DAB1: variants seen among roughly 807,000 people sequenced by gnomAD.
The protein encoded by DAB1 is DAB adaptor protein 1, also known as disabled homolog 1.
In DAB1, 15 loss-of-function variants were observed where a neutral mutation model predicts 64.6. The observed-to-expected ratio is 0.23, with a 90% CI of 0.16 to 0.36. The LOEUF (loss-of-function observed/expected upper bound fraction) is 0.36. Among genes scored for constraint, DAB1 ranks in the 10% least tolerant of loss-of-function variants. The pLI, the probability that DAB1 is intolerant of heterozygous loss-of-function variation, is 1.00. For synonymous variants in DAB1, 235 were observed against 251.9 expected (o/e 0.93, Z 0.64); for missense variants, 596 against 706.7 (o/e 0.84, Z 1.78).
chr1:57,412,498 T>C (rs868488520), intron 1 of DAB1, among the ~76,000 whole-genome samples: 8 of 152,184 alleles, frequency 5.3e-5, no homozygotes, highest in Admixed American at 1.3e-4. Flanking sequence ...TACTTATTTC[T>C]CAGGGCAAAC....
chr1:58,412,377 T>C (rs1644679940), intron 3 of DAB1, among the ~76,000 whole-genome samples: 1 of 152,234 alleles, frequency 6.6e-6, no homozygotes, highest in South Asian at 2.1e-4. Flanking sequence ...CTTTTGTTTG[T>C]TTCTTAAGCT....
In DAB1 at chr1:58,521,862, A is replaced by T. The variant is rs114005567; in HGVS notation, n.107+5399T>A. On this transcript the variant is annotated intron_variant and non_coding_transcript_variant, in intron 2 of 20. Transcript: ENST00000485760. Reference sequence around the variant, plus strand: ...AATAAATATAGCTAATCTTACAAAAACTCTTCTGGAGAAGAGAAAATGAAG... The same window carrying T: ...AATAAATATAGCTAATCTTACAAAATCTCTTCTGGAGAAGAGAAAATGAAG... 4.2e-3 allele frequency among the ~76,000 whole-genome samples: 640 copies of T among 152,164 alleles called. 3 individuals are homozygous for T. The highest frequency in any genetic ancestry group is 0.015 in the African/African-American group (619 of 41,522).
intron 6 of DAB1, among the ~76,000 whole-genome samples, chr1:57,757,886 G>T (rs1320652213): frequency 6.6e-6 from 1 of 152,042 alleles, no homozygotes; most frequent in African/African-American, 2.4e-5. Flanking sequence ...GCAGGATCAA[G>T]GCTCTCTGTA....
chr1:57,857,852 AC>A (rs756297142), intron 1 of DAB1, among the ~76,000 whole-genome samples: 1 of 146,426 alleles, frequency 6.8e-6, no homozygotes, highest in Non-Finnish European at 1.5e-5. Flanking sequence ...GAATGTTCAT[AC>A]AAAAAAAAAA....
At chr1:57,516,979 G>T (rs930272698) in intron 7 of DAB1, among the ~76,000 whole-genome samples, 1 of 152,182 alleles carries the variant, frequency 6.6e-6, no homozygotes, top group African/African-American at 2.4e-5. Context: ...AGTTCAGAGT[G>T]TTAGTCAAAG....
intron 7 of DAB1, among the ~76,000 whole-genome samples, chr1:57,508,462 C>G (rs1341551737): frequency 6.6e-6 from 1 of 152,218 alleles, no homozygotes; most frequent in Admixed American, 6.5e-5. Flanking sequence ...ATAATTAGCT[C>G]CATCTTCTCA....
At chr1:57,905,653 G>GCACC (rs1468235220) in intron 5 of DAB1, among the ~76,000 whole-genome samples, 1 of 152,150 alleles carries the variant, frequency 6.6e-6, no homozygotes, top group Non-Finnish European at 1.5e-5. Context: ...AACTTTGGAG[G>GCACC]CACCAGCATG....
chr1:57,026,704 G>A (rs192141685), intron 9 of DAB1, among the ~76,000 whole-genome samples: 36 of 152,140 alleles, frequency 2.4e-4, no homozygotes, highest in Middle Eastern at 3.4e-3. Context: ...ACCAGGAAAG[G>A]CATCAAAAAC....
At chr1:57,193,381 G>GTTTCTTTT (rs1225499824) in intron 2 of DAB1, among the ~76,000 whole-genome samples, 2 of 83,060 alleles carry the variant, frequency 2.4e-5, no homozygotes, top group Admixed American at 1.9e-4. Context: ...CGTAGCATAT[G>GTTTCTTTT]TTTTTTTTTT....
intron 5 of DAB1, among the ~76,000 whole-genome samples, chr1:58,130,906 C>T (rs1472840523): frequency 2.0e-5 from 3 of 151,610 alleles, no homozygotes; most frequent in Non-Finnish European, 2.9e-5. Flanking sequence ...TCCTTCATTT[C>T]CACTTTGGTG....
At chr1:58,222,098 A>G (rs1659202506) in intron 4 of DAB1, among the ~76,000 whole-genome samples, 1 of 152,162 alleles carries the variant, frequency 6.6e-6, no homozygotes, top group African/African-American at 2.4e-5. Context: ...AGTTAGAGAG[A>G]TGGGAATTTA....
intron 3 of DAB1, among the ~76,000 whole-genome samples, chr1:57,143,578 T>TA (rs1167573605): frequency 1.3e-5 from 2 of 152,090 alleles, no homozygotes; most frequent in Non-Finnish European, 2.9e-5. Context: ...GGTTAACAAA[T>TA]AAAAAGAAGA....
At chr1:57,141,531 G>C (rs1658587823) in intron 3 of DAB1, among the ~76,000 whole-genome samples, 1 of 152,118 alleles carries the variant, frequency 6.6e-6, no homozygotes, top group Non-Finnish European at 1.5e-5. Flanking sequence ...GCTAGATTCT[G>C]AGTACCTCAC....
chr1:57,109,013 ACT>A (rs551022943), intron 4 of DAB1, among the ~76,000 whole-genome samples: 140 of 152,230 alleles, frequency 9.2e-4, no homozygotes, highest in African/African-American at 3.1e-3. Context: ...TCCCTAGCTA[ACT>A]CTGAGTTTTT....
intron 1 of DAB1, among the ~76,000 whole-genome samples, chr1:57,312,610 T>A (rs781159868): frequency 6.6e-6 from 1 of 152,166 alleles, no homozygotes; most frequent in African/African-American, 2.4e-5. Flanking sequence ...GGCTAATGCA[T>A]CCAGGATCTG....
intron 8 of DAB1, among the ~76,000 whole-genome samples, chr1:57,063,397 C>T (rs1650599126): frequency 6.6e-6 from 1 of 152,158 alleles, no homozygotes. Flanking sequence ...TATCAAGATC[C>T]TAGCACAAAG....
intron 3 of DAB1, among the ~76,000 whole-genome samples, chr1:58,419,240 C>G (rs1353358903): frequency 6.6e-6 from 1 of 152,210 alleles, no homozygotes; most frequent in African/African-American, 2.4e-5. Flanking sequence ...AGGGTCAAAT[C>G]CTAGTTCTGC....
chr1:58,094,296 C>T (rs1484972594), intron 5 of DAB1, among the ~76,000 whole-genome samples: 1 of 152,158 alleles, frequency 6.6e-6, no homozygotes, highest in Non-Finnish European at 1.5e-5. Flanking sequence ...ACCAACTCTC[C>T]GAATTAAATA....
chr1:58,387,803 T>G (rs915300867), intron 3 of DAB1, among the ~76,000 whole-genome samples: 1 of 146,000 alleles, frequency 6.8e-6, no homozygotes, highest in Non-Finnish European at 1.5e-5. Context: ...CTCGGCTCAC[T>G]GCAAGCTCTG....
Sources: gnomAD v4.1 joint callset for allele counts (sites outside exome capture counted in the v4.1 genomes callset) on GRCh38, gnomAD v4.1.1 for gene constraint, MANE v1.5 for transcripts, NCBI Gene and HGNC (gene_info 2026-07-23, HGNC 2026-07-21) for gene names.